The following PLXDC2 variants were observed in gnomAD, a reference collection of about 807,000 sequenced individuals.
PLXDC2 encodes the protein plexin domain containing 2.
In PLXDC2, 40 loss-of-function variants were observed where a neutral mutation model predicts 68.9. That is an observed-to-expected ratio of 0.58 (90% confidence interval 0.45 to 0.76). The LOEUF (loss-of-function observed/expected upper bound fraction) is 0.76. Among genes scored for constraint, PLXDC2 ranks in the 30% least tolerant of loss-of-function variants. PLXDC2 has a pLI of 0.00. For synonymous variants in PLXDC2, 243 were observed against 234.2 expected (o/e 1.04, Z -0.34); for missense variants, 644 against 661.9 (o/e 0.97, Z 0.30).
At chr10:19,937,651 C>T (rs572949243) in intron 1 of PLXDC2, among the ~76,000 whole-genome samples, 32 of 148,726 alleles carry the variant, frequency 2.2e-4, no homozygotes, top group Admixed American at 7.5e-4. Context: ...ACTTTTCTGG[C>T]GTGCCAATAG....
chr10:20,044,492 C>G lies in PLXDC2; in HGVS notation c.325-2377C>G, dbSNP rs1043150842. 3.3e-5 allele frequency among the ~76,000 whole-genome samples: 5 copies of G among 151,440 alleles called. No homozygotes were observed. The Admixed American group carries it at 3.3e-4, about 10-fold the overall frequency. On this transcript the variant is annotated intron_variant, in intron 2 of 13. Coordinates refer to ENST00000377252, the MANE Select transcript of PLXDC2 (RefSeq NM_032812.9). Reference sequence around the variant, plus strand: ...GCCTGGCTATTTTTTGTATTTATAGCGGAGACGGGGTTTCACCATTTTGGC... The same window carrying G: ...GCCTGGCTATTTTTTGTATTTATAGGGGAGACGGGGTTTCACCATTTTGGC...
chr10:20,060,594 C>T (rs926670851), intron 3 of PLXDC2, among the ~76,000 whole-genome samples: 11 of 151,888 alleles, frequency 7.2e-5, no homozygotes, highest in African/African-American at 2.7e-4. Flanking sequence ...TGCAAAGGCT[C>T]AGCCCAGCTT....
rs1836107567 is a variant in PLXDC2 at position 20,283,456 on chromosome 10, G to GTT, written c.*3637_*3638insTT. ...CAGCACAAATTTGCATTCAAAGGAAGAATAGTTCATCAGTGCAAAAAGCGT... is the reference window on the plus strand; with the variant it reads ...CAGCACAAATTTGCATTCAAAGGAAGTTAATAGTTCATCAGTGCAAAAAGCGT... On this transcript the variant is annotated 3_prime_UTR_variant, in exon 14 of 14. Transcript: ENST00000377252. 6.6e-6 allele frequency: 1 copy of GTT among 152,216 alleles called. No homozygotes were observed. Among genetic ancestry groups the GTT allele is most frequent in the African/African-American group, 2.4e-5 (1 of 41,456 alleles). The allele number at this position is 152,216 out of a possible 1,614,324, so 9.4% of individuals were successfully genotyped here.
At chr10:20,206,908 G>C (rs1218984829) in intron 9 of PLXDC2, among the ~76,000 whole-genome samples, 1 of 151,936 alleles carries the variant, frequency 6.6e-6, no homozygotes, top group Non-Finnish European at 1.5e-5. Context: ...AGTGGGGACA[G>C]GAAGCTGTTC....
chr10:20,238,662 A>AAAATATAT lies in PLXDC2; in HGVS notation c.1313-6682_1313-6681insAATATATA, dbSNP rs1175526348. On this transcript the variant is annotated intron_variant, in intron 12 of 13. Coordinates refer to ENST00000377252, the MANE Select transcript of PLXDC2 (RefSeq NM_032812.9). The stretch of plus-strand genomic sequence containing the variant: ...CAGAGAAAGACTCCATCTCAAAAAA[A>AAAATATAT]ATATATATATATATGTATATATATA... 1.0e-3 allele frequency among the ~76,000 whole-genome samples: 33 copies of AAAATATAT among 31,712 alleles called. 2 individuals are homozygous for AAAATATAT. Among genetic ancestry groups the AAAATATAT allele is most frequent in the Non-Finnish European group, 1.9e-3 (25 of 13,174 alleles). The allele number at this position is 31,712 out of a possible 152,430, so 20.8% of individuals were successfully genotyped here. A position where few individuals can be genotyped will look rare whatever the true frequency, so the allele number is the denominator to read the frequency against.
intron 4 of PLXDC2, among the ~76,000 whole-genome samples, chr10:20,124,966 G>A (rs1247950791): frequency 2.0e-5 from 3 of 152,054 alleles, no homozygotes; most frequent in Non-Finnish European, 4.4e-5. Flanking sequence ...AGCTATGAGA[G>A]GGTAATATAG....
At chr10:20,158,414 C>G (rs1001835223) in intron 6 of PLXDC2, among the ~76,000 whole-genome samples, 1 of 148,336 alleles carries the variant, frequency 6.7e-6, no homozygotes, top group Non-Finnish European at 1.5e-5. Context: ...TTTATACATA[C>G]ACATATGCAC....
At chr10:20,017,478 A>G (rs1450474791) in intron 2 of PLXDC2, among the ~76,000 whole-genome samples, 3 of 152,202 alleles carry the variant, frequency 2.0e-5, no homozygotes, top group African/African-American at 7.2e-5. Context: ...TTCTCTTTCC[A>G]TCTTCCTGAA....
At chr10:20,154,368 C>A (rs183429247) in intron 6 of PLXDC2, among the ~76,000 whole-genome samples, 1 of 152,142 alleles carries the variant, frequency 6.6e-6, no homozygotes, top group African/African-American at 2.4e-5. Flanking sequence ...AGTTGGAGAC[C>A]AGCCTGGCAA....
At chr10:20,082,072 A>AAC (rs1836575856) in intron 4 of PLXDC2, among the ~76,000 whole-genome samples, 1 of 149,262 alleles carries the variant, frequency 6.7e-6, no homozygotes, top group African/African-American at 2.5e-5. Flanking sequence ...ATCAAAAAAA[A>AAC]AAAACAGGAG....
chr10:20,120,906 G>A (rs866735727), intron 4 of PLXDC2, among the ~76,000 whole-genome samples: 12 of 152,264 alleles, frequency 7.9e-5, no homozygotes, highest in Middle Eastern at 3.4e-3. Flanking sequence ...TAGGCCTGAT[G>A]GAACCGCCAT....
intron 4 of PLXDC2, among the ~76,000 whole-genome samples, chr10:20,115,732 A>ATTTAAATAAT (rs1385273316): frequency 6.6e-6 from 1 of 152,206 alleles, no homozygotes; most frequent in Non-Finnish European, 1.5e-5. Flanking sequence ...ATTACATTTT[A>ATTTAAATAAT]TTTAAATAAT....
intron 4 of PLXDC2, among the ~76,000 whole-genome samples, chr10:20,093,927 G>C (rs1348452105): frequency 1.3e-5 from 2 of 151,966 alleles, no homozygotes; most frequent in East Asian, 1.9e-4. Context: ...TGCCGGACTT[G>C]GCTTCCCAGT....
intron 9 of PLXDC2, among the ~76,000 whole-genome samples, chr10:20,180,242 G>A (rs1039431664): frequency 3.3e-5 from 5 of 151,934 alleles, no homozygotes; most frequent in African/African-American, 1.2e-4. Context: ...AAAACTACAA[G>A]TTTTCTGAAT....
chr10:19,984,083 A>T (rs1834596852), intron 1 of PLXDC2, among the ~76,000 whole-genome samples: 1 of 152,230 alleles, frequency 6.6e-6, no homozygotes, highest in Non-Finnish European at 1.5e-5. Flanking sequence ...AAGAAAAAGC[A>T]GAAGCTACCA....
In PLXDC2 at chr10:20,123,085, G is replaced by A. The variant is rs185555351; in HGVS notation, c.542-20210G>A. 8.3e-3 allele frequency among the ~76,000 whole-genome samples: 1,267 copies of A among 152,294 alleles called. 5 individuals are homozygous for A. Among genetic ancestry groups the A allele is most frequent in the Middle Eastern group, 0.017 (5 of 294 alleles). On this transcript the variant is annotated intron_variant, in intron 4 of 13. Coordinates refer to ENST00000377252, the MANE Select transcript of PLXDC2 (RefSeq NM_032812.9). The stretch of plus-strand genomic sequence containing the variant: ...TAAGAGTAAATTGCTGGGCAGGTGG[G>A]GGAGGGCTAGTCATGGAACAAAACT...
chr10:20,137,603 C>T (rs1389359823), intron 4 of PLXDC2, among the ~76,000 whole-genome samples: 1 of 152,218 alleles, frequency 6.6e-6, no homozygotes, highest in Non-Finnish European at 1.5e-5. Flanking sequence ...CTGGAATTTT[C>T]GCACAGACAG....
chr10:20,012,217 A>G (rs1835126181), intron 2 of PLXDC2, among the ~76,000 whole-genome samples: 1 of 151,930 alleles, frequency 6.6e-6, no homozygotes, highest in African/African-American at 2.4e-5. Context: ...ACACTCTGCT[A>G]AATATTCAGG....
intron 4 of PLXDC2, among the ~76,000 whole-genome samples, chr10:20,108,399 T>TA (rs1413423972): frequency 1.3e-5 from 2 of 152,202 alleles, no homozygotes; most frequent in Non-Finnish European, 2.9e-5. Context: ...GGTGAAGTAT[T>TA]ACAGCATTAA....
Sources: gnomAD v4.1 joint callset for allele counts (sites outside exome capture counted in the v4.1 genomes callset) on GRCh38, gnomAD v4.1.1 for gene constraint, MANE v1.5 for transcripts, NCBI Gene and HGNC (gene_info 2026-07-23, HGNC 2026-07-21) for gene names.